The following ASAH1 variants were observed in gnomAD, a reference collection of about 807,000 sequenced individuals.
ASAH1 encodes N-acylsphingosine amidohydrolase 1.
Under a neutral mutation model 59.5 loss-of-function variants are expected in ASAH1, and 70 were observed. That is an observed-to-expected ratio of 1.18 (90% CI 0.97 to 1.43). The LOEUF (loss-of-function observed/expected upper bound fraction) is 1.43, where lower values mean the gene tolerates loss of function less well. Ranked by LOEUF, ASAH1 falls within the 40% of genes most tolerant of loss-of-function variation. ASAH1 has a pLI of 0.00. For synonymous variants in ASAH1, 213 were observed against 166.5 expected (o/e 1.28, Z -2.15); for missense variants, 660 against 482.5 (o/e 1.37, Z -3.45).
At chr8:18,074,503 G>T (rs920614070) in intron 2 of ASAH1, among the ~76,000 whole-genome samples, 30 of 152,184 alleles carry the variant, frequency 2.0e-4, no homozygotes, top group African/African-American at 7.0e-4. Context: ...AACTGAAAAT[G>T]TCATCTTGAT....
At chr8:18,078,298 G>C (rs1022714756) in intron 1 of ASAH1, among the ~76,000 whole-genome samples, 2 of 152,188 alleles carry the variant, frequency 1.3e-5, no homozygotes, top group African/African-American at 4.8e-5. Flanking sequence ...TATTAGGAGA[G>C]AATGTGACCT....
chr8:18,069,942 C>T (rs903106984), intron 3 of ASAH1, 64 bp from the exon 4 acceptor site: 2 of 1,205,274 alleles, frequency 1.7e-6, no homozygotes, highest in Non-Finnish European at 2.4e-6. Context: ...TACCTTTTGG[C>T]TTACCCATAT....
Position 18,064,437 on chromosome 8 carries a change from C to CGGGGGG in ASAH1, c.457+19_457+20insCCCCCC. On this transcript the variant is annotated intron_variant, in intron 6 of 13. Coordinates refer to ENST00000637790, the MANE Select transcript of ASAH1 (RefSeq NM_177924.5). ...TATGTAGTGCTTCATGCTGCCCACC[C>CGGGGGG]TCCCTCAGCGCACAATTACCTTTTT... The CGGGGGG allele has an allele frequency of 2.0e-6, 3 of 1,470,502 alleles. No homozygotes were observed. Among genetic ancestry groups the CGGGGGG allele is most frequent in the Non-Finnish European group, 2.9e-6 (3 of 1,052,224 alleles). 91.1% of individuals were successfully genotyped at this position (1,470,502 alleles called of 1,614,324 possible). A position where few individuals can be genotyped will look rare whatever the true frequency, so the allele number is the denominator to read the frequency against.
upstream of ASAH1, chr8:18,084,366 G>A (rs1326801857): frequency 2.8e-6 from 4 of 1,406,106 alleles, no homozygotes; most frequent in Admixed American, 5.9e-5. Flanking sequence ...TAGTCGGACC[G>A]AGCCGGAGCC....
chr8:18,059,875 C>T, intron 10 of ASAH1, 172 bp from the exon 11 acceptor site: 1 of 622,826 alleles, frequency 1.6e-6, no homozygotes. Context: ...AACCCATCAT[C>T]TAAGTTTCAA....
At position 18,080,711 on chromosome 8, in the gene ASAH1, C is replaced by T. The variant is rs79258368; in HGVS notation, c.78+3270G>A. On this transcript the variant is annotated intron_variant, in intron 1 of 13. Transcript: ENST00000637790. The stretch of plus-strand genomic sequence containing the variant: ...TAGCTGGGACTACAGGCGTGAGCCA[C>T]TATGCCCAGCTAATTTTTGTATTTT... 8.4e-4 allele frequency among the ~76,000 whole-genome samples: 128 copies of T among 152,306 alleles called. 1 individual carries two copies. The East Asian group carries it at 0.021, about 25-fold the overall frequency.
intron 8 of ASAH1, chr8:18,062,058 A>T (rs1166377386): frequency 1.5e-6 from 1 of 651,600 alleles, no homozygotes; most frequent in Non-Finnish European, 2.6e-6. Context: ...CTTGACACCC[A>T]GCCACATGCT....
At chr8:18,065,906 GTGTGTA>G (rs1404261633) in intron 5 of ASAH1, 58 of 151,042 alleles carry the variant, frequency 3.8e-4, no homozygotes, top group African/African-American at 1.2e-3. Context: ...GTGTGTGTGT[GTGTGTA>G]TATATATATG....
At chr8:18,063,020 C>T in intron 7 of ASAH1, 165 bp downstream of exon 7, 1 of 651,362 alleles carries the variant, frequency 1.5e-6, no homozygotes, top group Non-Finnish European at 2.7e-6. Context: ...CAGATGCCCA[C>T]CACCATGCCT....
At chr8:18,076,009 C>T in intron 1 of ASAH1, 1 of 299,644 alleles carries the variant, frequency 3.3e-6, no homozygotes, top group South Asian at 3.1e-5. Context: ...TTTCAGGGCA[C>T]ACAGCACAGG....
intron 1 of ASAH1, chr8:18,076,716 C>G (rs1181363016): frequency 6.6e-6 from 1 of 151,972 alleles, no homozygotes; most frequent in Non-Finnish European, 1.5e-5. Context: ...CAGAAAACTC[C>G]TGGAACTGTA....
chr8:18,079,947 G>T (rs559762202), intron 1 of ASAH1, among the ~76,000 whole-genome samples: 1 of 152,204 alleles, frequency 6.6e-6, no homozygotes, highest in Admixed American at 6.5e-5. Context: ...TAGGTCAAAG[G>T]AATGTGAATA....
At position 18,064,943 on chromosome 8, in the gene ASAH1, C is replaced by T. The variant is rs115256362; in HGVS notation, c.383-412G>A. On this transcript the variant is annotated intron_variant, in intron 5 of 13. Transcript: ENST00000637790. ...AATTTCTAAGGTGAAAAAGGAGATTCAAGAACTATTAAAATTAGTACAGAG... is the reference window on the plus strand; with the variant it reads ...AATTTCTAAGGTGAAAAAGGAGATTTAAGAACTATTAAAATTAGTACAGAG... The T allele has an allele frequency of 6.1e-3, 1,032 of 169,904 alleles. 10 individuals are homozygous for T. Among genetic ancestry groups the T allele is most frequent in the African/African-American group, 0.021 (892 of 41,858 alleles). The allele number at this position is 169,904 out of a possible 1,614,324, so 10.5% of individuals were successfully genotyped here. A position where few individuals can be genotyped will look rare whatever the true frequency, so the allele number is the denominator to read the frequency against.
intron 8 of ASAH1, 36 bp downstream of exon 8, chr8:18,062,243 G>C (rs753659692): frequency 2.5e-6 from 4 of 1,613,416 alleles, no homozygotes; most frequent in Admixed American, 1.7e-5. Context: ...AGGACAGAAG[G>C]CTACCTGTAT....
intron 5 of ASAH1, 104 bp downstream of exon 5, chr8:18,067,116 A>ATCTAAGACATACAGCACCTGTGCTGTATC: frequency 3.9e-6 from 2 of 519,378 alleles, no homozygotes; most frequent in Non-Finnish European, 5.3e-6. Flanking sequence ...TGTGCTGTAT[A>ATCTAAGACATACAGCACCTGTGCTGTATC]TCTAAGACAT....
intron 2 of ASAH1, chr8:18,073,208 T>C (rs1365505597): frequency 6.6e-7 from 1 of 1,504,208 alleles, no homozygotes; most frequent in Non-Finnish European, 9.2e-7. Flanking sequence ...CATTTCAGTA[T>C]TTAACTTGTG....
intron 2 of ASAH1, among the ~76,000 whole-genome samples, chr8:18,072,261 T>G (rs909529430): frequency 4.6e-5 from 7 of 152,342 alleles, no homozygotes; most frequent in Middle Eastern, 3.4e-3. Context: ...CTCCTGAGAC[T>G]GGCAGGGTGA....
At chr8:18,069,056 C>A (rs1800048907) in intron 4 of ASAH1, among the ~76,000 whole-genome samples, 1 of 151,022 alleles carries the variant, frequency 6.6e-6, no homozygotes, top group African/African-American at 2.4e-5. Context: ...CAGAAGGATC[C>A]CTTGAGCCTG....
chr8:18,065,473 T>C lies in ASAH1; in HGVS notation c.383-942A>G, dbSNP rs1311868089. The C allele has an allele frequency of 2.6e-5, 4 of 152,258 alleles. No homozygotes were observed. The South Asian group carries it at 8.3e-4, about 32-fold the overall frequency. The allele number at this position is 152,258 out of a possible 1,614,324, so 9.4% of individuals were successfully genotyped here. On this transcript the variant is annotated intron_variant, in intron 5 of 13. Coordinates refer to ENST00000637790, the MANE Select transcript of ASAH1 (RefSeq NM_177924.5). ...ATCATCTCATAAAATGAAGGTACTG[T>C]TGGCTATTTAAAATAATGACACTAC... is the stretch of plus-strand genomic sequence containing the variant.
Sources: allele counts gnomAD v4.1 joint callset (sites outside exome capture counted in the v4.1 genomes callset), GRCh38; gene constraint gnomAD v4.1.1; transcripts MANE v1.5; gene names NCBI Gene and HGNC (gene_info 2026-07-23, HGNC 2026-07-21).